UNC13C: variants seen among roughly 807,000 people sequenced by gnomAD.
The protein encoded by UNC13C is unc-13 homolog C.
UNC13C carries 174 observed loss-of-function variants against 245.4 expected under a neutral mutation model. The observed-to-expected ratio is 0.71, with a 90% confidence interval of 0.63 to 0.80. UNC13C has a LOEUF of 0.80. Among genes scored for constraint, UNC13C ranks in the 30% least tolerant of loss-of-function variants. The pLI is 0.00. For missense variants in UNC13C, 2,829 were observed against 2,602.9 expected (o/e 1.09, Z -1.89); for synonymous variants, 992 against 895.1 (o/e 1.11, Z -1.93).
chr15:53,966,771 T>G, the UNC13C span, among the ~76,000 whole-genome samples: 1 of 152,120 alleles, frequency 6.6e-6, no homozygotes, highest in Non-Finnish European at 1.5e-5. Flanking sequence ...TCAATTTTTT[T>G]GTTTTACATT....
At chr15:54,111,043 C>T (rs1408173949) in intron 2 of UNC13C, among the ~76,000 whole-genome samples, 2 of 152,218 alleles carry the variant, frequency 1.3e-5, no homozygotes, top group Non-Finnish European at 2.9e-5. Context: ...GCATAATGCA[C>T]ACTACAAAAT....
At chr15:53,963,254 C>T in the UNC13C span, among the ~76,000 whole-genome samples, 7,141 of 152,250 alleles carry the variant, frequency 0.047, 271 homozygotes, top group African/African-American at 0.1. Context: ...GTTTCTGTTA[C>T]ATGAAGACCC....
intron 2 of UNC13C, among the ~76,000 whole-genome samples, chr15:54,095,142 A>G (rs565303224): frequency 5.9e-5 from 9 of 152,276 alleles, no homozygotes; most frequent in Admixed American, 2.6e-4. Flanking sequence ...CTCACTACAG[A>G]ACACCATCCA....
At chr15:53,972,878 T>C in the UNC13C span, 1 of 152,218 alleles carries the variant, frequency 6.6e-6, no homozygotes, top group East Asian at 1.9e-4. Context: ...AAGACATTCA[T>C]CCTTTCCAAT....
intron 1 of UNC13C, among the ~76,000 whole-genome samples, chr15:53,992,881 G>C (rs1894454192): frequency 6.6e-6 from 1 of 152,066 alleles, no homozygotes; most frequent in East Asian, 1.9e-4. Context: ...TCCAGAGTAT[G>C]AATCACTTCT....
intron 4 of UNC13C, among the ~76,000 whole-genome samples, chr15:54,194,017 G>T (rs1038113250): frequency 6.6e-6 from 1 of 152,162 alleles, no homozygotes; most frequent in Non-Finnish European, 1.5e-5. Flanking sequence ...GTGAACCAAG[G>T]GAAGAGTAGG....
intron 7 of UNC13C, among the ~76,000 whole-genome samples, chr15:54,240,230 C>A (rs1160202935): frequency 6.6e-6 from 1 of 152,056 alleles, no homozygotes; most frequent in Non-Finnish European, 1.5e-5. Flanking sequence ...TTCGTAAAGC[C>A]CATTTCCCTG....
chr15:54,446,272 G>T (rs1396660111), intron 19 of UNC13C, among the ~76,000 whole-genome samples: 1 of 151,944 alleles, frequency 6.6e-6, no homozygotes, highest in Non-Finnish European at 1.5e-5. Context: ...ACTTGGCAAT[G>T]CAGTCTCTTT....
At chr15:53,949,896 TTATAA>T in the UNC13C span, among the ~76,000 whole-genome samples, 141 of 152,322 alleles carry the variant, frequency 9.3e-4, no homozygotes, top group Middle Eastern at 6.8e-3. Context: ...AGAAGGTGTC[TTATAA>T]TAAATTCAGG....
the UNC13C span, among the ~76,000 whole-genome samples, chr15:53,961,794 A>G: frequency 6.6e-6 from 1 of 152,220 alleles, no homozygotes; most frequent in Non-Finnish European, 1.5e-5. Flanking sequence ...TTCACCAAAT[A>G]CAAATATGTA....
rs1900958023 is a variant in UNC13C at position 54,623,821 on chromosome 15, C to A, written c.6226C>A (p.Gln2076Lys). 1 of 1,612,778 alleles carries A rather than the reference C, an allele frequency of 6.2e-7. No individual in the cohort carries two copies. Among genetic ancestry groups the A allele is most frequent in the East Asian group, 2.2e-5 (1 of 44,832 alleles). The change falls in exon 32 of 33, where the codon CAG becomes AAG. Residue 2076 changes from glutamine (Q) to lysine (K), a missense_variant. By Grantham distance (53) the Gln-to-Lys change is moderately conservative. Transcript: ENST00000260323. Reference sequence around the variant, plus strand: ...GATTGCTATTAATGACCTAAACTGGCAGACCACAGCAATGTTCCGCCCCTT... The same window carrying A: ...GATTGCTATTAATGACCTAAACTGGAAGACCACAGCAATGTTCCGCCCCTT... ...KVIAINDLNWQTTAMFRPFVE... is the reference protein window; with the variant it reads ...KVIAINDLNWKTTAMFRPFVE...
chr15:54,555,022 A>G (rs1221166519), intron 28 of UNC13C, among the ~76,000 whole-genome samples: 2 of 152,042 alleles, frequency 1.3e-5, no homozygotes, highest in Non-Finnish European at 2.9e-5. Flanking sequence ...TTATATTTAA[A>G]ATAGACTTTA....
intron 2 of UNC13C, among the ~76,000 whole-genome samples, chr15:54,137,480 G>A (rs942217648): frequency 1.3e-5 from 2 of 152,108 alleles, no homozygotes; most frequent in Non-Finnish European, 2.9e-5. Flanking sequence ...AGAGATAATT[G>A]ATGACTACTT....
intron 2 of UNC13C, among the ~76,000 whole-genome samples, chr15:54,112,848 T>C (rs1257341317): frequency 1.3e-5 from 2 of 152,190 alleles, no homozygotes; most frequent in East Asian, 3.9e-4. Context: ...TGGACAGTAC[T>C]ACCCCTAAAC....
intron 19 of UNC13C, among the ~76,000 whole-genome samples, chr15:54,489,699 G>A (rs1317828357): frequency 1.3e-5 from 2 of 152,104 alleles, no homozygotes; most frequent in Non-Finnish European, 2.9e-5. Flanking sequence ...ACATAGTTTG[G>A]TAACCAGTTA....
At chr15:54,601,254 T>C (rs575684996) in intron 30 of UNC13C, among the ~76,000 whole-genome samples, 3 of 152,224 alleles carry the variant, frequency 2.0e-5, no homozygotes, top group Non-Finnish European at 4.4e-5. Context: ...AGGAACTCTT[T>C]GGGATGCCGC....
intron 20 of UNC13C, 81 bp from the exon 21 acceptor site, chr15:54,499,998 A>G: frequency 9.6e-7 from 1 of 1,037,912 alleles, no homozygotes; most frequent in South Asian, 1.6e-5. Flanking sequence ...AATTACTCTC[A>G]TATGCAAAAA....
chr15:54,290,094 A>G (rs2140930699), intron 10 of UNC13C, among the ~76,000 whole-genome samples: 1 of 152,260 alleles, frequency 6.6e-6, no homozygotes, highest in South Asian at 2.1e-4. Context: ...CGTAATCTTC[A>G]ACATTTGAAA....
downstream of UNC13C, chr15:54,632,841 A>T (rs991906839): frequency 6.6e-6 from 1 of 152,190 alleles, no homozygotes; most frequent in African/African-American, 2.4e-5. Flanking sequence ...AAAACAGTGG[A>T]GTATTCTACT....
Sources: gnomAD v4.1 joint callset for allele counts (sites outside exome capture counted in the v4.1 genomes callset) on GRCh38, gnomAD v4.1.1 for gene constraint, MANE v1.5 for transcripts, NCBI Gene and HGNC (gene_info 2026-07-23, HGNC 2026-07-21) for gene names.